KIAA1549L: variants seen among roughly 807,000 people sequenced by gnomAD.
The protein encoded by KIAA1549L is UPF0606 protein KIAA1549L.
In KIAA1549L, 88 loss-of-function variants were observed where a neutral mutation model predicts 160.7. The ratio of observed to expected loss-of-function variants is 0.55; its 90% CI spans 0.46 to 0.65. The LOEUF (loss-of-function observed/expected upper bound fraction) is 0.65, where lower values mean the gene tolerates loss of function less well. KIAA1549L is among the 30% of genes least tolerant of loss of function. KIAA1549L has a pLI of 0.00. For missense variants in KIAA1549L, 2,258 were observed against 2,437.5 expected (o/e 0.93, Z 1.55); for synonymous variants, 950 against 976.7 (o/e 0.97, Z 0.51).
chr11:33,388,148 T>C lies in KIAA1549L; in HGVS notation c.238+11259T>C, dbSNP rs1850209078. The stretch of plus-strand genomic sequence containing the variant: ...CTATAAAGAACTGCCCGAGACTGAG[T>C]AATTTAGAAAGGGAAGAAGTTTAGT... On this transcript the variant is annotated intron_variant, in intron 1 of 20. Coordinates refer to ENST00000658780, the MANE Select transcript of KIAA1549L (RefSeq NM_012194.3). 2.0e-5 allele frequency among the ~76,000 whole-genome samples: 3 copies of C among 152,100 alleles called. No homozygotes were observed. In the South Asian group the frequency reaches 6.2e-4, roughly 32 times the overall value.
intron 15 of KIAA1549L, 33 bp downstream of exon 15, chr11:33,609,999 T>C: frequency 6.5e-7 from 1 of 1,550,122 alleles, no homozygotes; most frequent in African/African-American, 1.4e-5. Flanking sequence ...TAAAGGGTGC[T>C]GTATCATTGG....
Position 33,565,705 on chromosome 11 carries a change from C to CTTT in KIAA1549L, c.4079-2359_4079-2357dup, listed in dbSNP as rs769888532. ...ACAGCCTCTGGCACTTCCGTGGAGG[C>CTTT]TTTTTTTTTTTTTTCAAAAAAATTT... On this transcript the variant is annotated intron_variant, in intron 8 of 20. Coordinates refer to ENST00000658780, the MANE Select transcript of KIAA1549L (RefSeq NM_012194.3). 7.1e-3 allele frequency among the ~76,000 whole-genome samples: 938 copies of CTTT among 131,580 alleles called. 5 individuals are homozygous for CTTT. Among genetic ancestry groups the CTTT allele is most frequent in the African/African-American group, 0.011 (389 of 35,702 alleles). The allele number at this position is 131,580 out of a possible 152,430, so 86.3% of individuals were successfully genotyped here.
Position 33,667,924 on chromosome 11 carries a change from A to C in KIAA1549L, c.6211A>C (p.Ser2071Arg), listed in dbSNP as rs1481252282. Reference protein sequence around the residue: ...EAYPRSRYPQSSPSRLPRQYS... With the variant: ...EAYPRSRYPQRSPSRLPRQYS... ...CTACCCCCGATCACGGTACCCCCAG[A>C]GCTCTCCCTCCAGGCTTCCTCGTCA... Residue 2071 changes from serine to arginine, a missense_variant, in exon 21 of 21, where the codon AGC becomes CGC. Around this residue, in one of 6 missense-constraint regions of KIAA1549L, gnomAD observed 1,359 missense variants for 1,546.6 expected, o/e 0.88. Coordinates refer to ENST00000658780, the MANE Select transcript of KIAA1549L (RefSeq NM_012194.3). 1 of 1,613,556 alleles carries C rather than the reference A, an allele frequency of 6.2e-7. No individual in the cohort carries two copies. The highest frequency in any genetic ancestry group is 2.2e-5 in the East Asian group (1 of 44,868).
chr11:33,502,253 A>C (rs1482199189), intron 1 of KIAA1549L, among the ~76,000 whole-genome samples: 1 of 152,212 alleles, frequency 6.6e-6, no homozygotes, highest in Admixed American at 6.5e-5. Context: ...ACTCATGAGA[A>C]GTCAGCTTTA....
At chr11:33,465,882 A>G (rs972919258) in intron 1 of KIAA1549L, among the ~76,000 whole-genome samples, 1 of 152,234 alleles carries the variant, frequency 6.6e-6, no homozygotes, top group African/African-American at 2.4e-5. Context: ...ACCTAAAACC[A>G]TAAAAACCCT....
intron 1 of KIAA1549L, among the ~76,000 whole-genome samples, chr11:33,465,459 A>G (rs1029015320): frequency 4.6e-5 from 7 of 152,090 alleles, no homozygotes; most frequent in African/African-American, 1.7e-4. Context: ...TCCTGCATGC[A>G]TGACCCAGTT....
intron 15 of KIAA1549L, 40 bp from the exon 16 acceptor site, chr11:33,618,493 G>T (rs772725422): frequency 3.8e-6 from 6 of 1,565,466 alleles, no homozygotes; most frequent in South Asian, 3.5e-5. Flanking sequence ...CATCTGTCAG[G>T]GCATTTGCTG....
At position 33,544,342 on chromosome 11, in the gene KIAA1549L, G is replaced by A; in HGVS notation, c.2773+6G>A. 5 of 1,613,190 alleles carry A rather than the reference G, an allele frequency of 3.1e-6. No individual in the cohort carries two copies. The highest frequency in any genetic ancestry group is 3.4e-6 in the Non-Finnish European group (4 of 1,179,526). ...GCACCCCAAGAAATGGACAGGTGCA[G>A]CCACTAATGCAGGTAGTTTGTTTCC... On this transcript the variant is annotated splice_donor_region_variant and intron_variant, in intron 2 of 20. Transcript: ENST00000658780.
chr11:33,579,098 T>A (rs370216428), intron 10 of KIAA1549L, among the ~76,000 whole-genome samples: 5 of 152,264 alleles, frequency 3.3e-5, no homozygotes, highest in African/African-American at 1.2e-4. Flanking sequence ...CTCTTCCACT[T>A]TCTAGTTATG....
At chr11:33,516,489 C>T (rs1181663786) in intron 1 of KIAA1549L, among the ~76,000 whole-genome samples, 5 of 152,278 alleles carry the variant, frequency 3.3e-5, no homozygotes, top group South Asian at 2.1e-4. Flanking sequence ...TATATCTGAG[C>T]GAGAAATCTG....
intron 10 of KIAA1549L, 124 bp downstream of exon 10, chr11:33,574,997 C>G: frequency 2.5e-6 from 2 of 808,468 alleles, no homozygotes; most frequent in South Asian, 3.6e-5. Context: ...CTGGAAGGTT[C>G]TTAAATCAAT....
chr11:33,592,442 G>A (rs1044868422), intron 12 of KIAA1549L, among the ~76,000 whole-genome samples: 1 of 152,212 alleles, frequency 6.6e-6, no homozygotes, highest in African/African-American at 2.4e-5. Context: ...GGCAAGCCGC[G>A]TTGGCTGGCT....
At chr11:33,419,912 A>G (rs1017580389) in intron 1 of KIAA1549L, among the ~76,000 whole-genome samples, 1 of 52,122 alleles carries the variant, frequency 1.9e-5, no homozygotes, top group East Asian at 6.9e-4. Context: ...ATACATATAT[A>G]TATATGAATA....
At chr11:33,424,454 T>G (rs968476734) in intron 1 of KIAA1549L, among the ~76,000 whole-genome samples, 1 of 152,106 alleles carries the variant, frequency 6.6e-6, no homozygotes, top group African/African-American at 2.4e-5. Flanking sequence ...TGTTTTTGTT[T>G]CCTAATCTTA....
intron 1 of KIAA1549L, among the ~76,000 whole-genome samples, chr11:33,509,593 T>C (rs1853178638): frequency 6.6e-6 from 1 of 152,226 alleles, no homozygotes; most frequent in Non-Finnish European, 1.5e-5. Flanking sequence ...ATAGTGTTTA[T>C]GCTGCCTCTT....
In KIAA1549L at chr11:33,609,826, A is replaced by T. The variant is rs180957739; in HGVS notation, c.5139A>T (p.Gly1713=). 268 of 1,613,928 alleles carry T rather than the reference A, an allele frequency of 1.7e-4. 1 individual carries two copies. The Middle Eastern group carries it at 2.6e-3, about 16-fold the overall frequency. Residue 1713 remains glycine (G), a synonymous_variant, in exon 15 of 21, where the codon GGA becomes GGT. Coordinates refer to ENST00000658780, the MANE Select transcript of KIAA1549L (RefSeq NM_012194.3). ...NKLRLKAKRK[G]YYDFPAVETS... is the part of the protein sequence containing the mutation. The stretch of plus-strand genomic sequence containing the variant: ...TGCGCCTCAAAGCCAAGAGGAAGGG[A>T]TATTACGACTTCCCTGCAGTGGAGA...
chr11:33,379,008 TG>T (rs1850018257), intron 1 of KIAA1549L, among the ~76,000 whole-genome samples: 1 of 152,180 alleles, frequency 6.6e-6, no homozygotes, highest in Admixed American at 6.5e-5. Flanking sequence ...CAACCTAGTT[TG>T]GAACTTTTTC....
At chr11:33,488,351 AT>A (rs1429093999) in intron 1 of KIAA1549L, among the ~76,000 whole-genome samples, 2 of 152,234 alleles carry the variant, frequency 1.3e-5, no homozygotes, top group African/African-American at 4.8e-5. Flanking sequence ...ATATTAAAGG[AT>A]GACAAAAGGA....
intron 13 of KIAA1549L, among the ~76,000 whole-genome samples, chr11:33,599,972 T>A (rs898963531): frequency 3.9e-5 from 6 of 152,222 alleles, no homozygotes; most frequent in Non-Finnish European, 7.3e-5. Context: ...GTTGGAATAT[T>A]TTTTTGTTTT....
Sources: allele counts gnomAD v4.1 joint callset (sites outside exome capture counted in the v4.1 genomes callset), GRCh38; gene constraint gnomAD v4.1.1; regional missense constraint gnomAD v4.1.1; transcripts MANE v1.5; gene names NCBI Gene and HGNC (gene_info 2026-07-23, HGNC 2026-07-21).